NID1: variants seen among roughly 807,000 people sequenced by gnomAD.
NID1 encodes the protein nidogen 1, also known as nidogen-1.
Under a neutral mutation model 130.6 loss-of-function variants are expected in NID1, and 76 were observed. That is an observed-to-expected ratio of 0.58 (90% CI 0.48 to 0.70). The LOEUF is 0.70. Among genes scored for constraint, NID1 ranks in the 30% least tolerant of loss-of-function variants. The pLI is 0.00. For missense variants in NID1, 1,517 were observed against 1,664.8 expected (o/e 0.91, Z 1.54); for synonymous variants, 665 against 675.1 (o/e 0.98, Z 0.23).
chr1:236,031,853 C>A (rs888528599), intron 6 of NID1, among the ~76,000 whole-genome samples: 17 of 152,214 alleles, frequency 1.1e-4, no homozygotes, highest in African/African-American at 3.6e-4. Context: ...CAATAGGGCA[C>A]AGTCTCTAAA....
intron 19 of NID1, among the ~76,000 whole-genome samples, chr1:235,978,394 G>T (rs1284983386): frequency 1.3e-5 from 2 of 152,302 alleles, no homozygotes; most frequent in Admixed American, 1.3e-4. Context: ...GGTGAGGGGA[G>T]AGGCCTTCAA....
chr1:236,037,651 C>G (rs758943385), intron 5 of NID1, among the ~76,000 whole-genome samples: 22 of 134,520 alleles, frequency 1.6e-4, no homozygotes, highest in Non-Finnish European at 2.8e-4. Context: ...GAGTAAGACT[C>G]TGTCTCAAGA....
chr1:236,030,147 G>A (rs749215271), intron 6 of NID1, among the ~76,000 whole-genome samples: 59 of 152,186 alleles, frequency 3.9e-4, no homozygotes, highest in Admixed American at 2.6e-4. Context: ...AAATTGTCAA[G>A]TGCTCCATAA....
intron 4 of NID1, among the ~76,000 whole-genome samples, chr1:236,038,675 T>G (rs6666278): frequency 0.062 from 7,718 of 124,386 alleles, 265 homozygotes; most frequent in East Asian, 0.18. Flanking sequence ...TAATATATAT[T>G]ACCTATGTTA....
At chr1:236,035,583 T>C (rs1659231608) in intron 5 of NID1, among the ~76,000 whole-genome samples, 1 of 151,312 alleles carries the variant, frequency 6.6e-6, no homozygotes. Context: ...ACTTCCACAA[T>C]GGTTGAACTA....
rs369481034 is a variant in NID1 at position 236,032,387 on chromosome 1, C to T, written c.1537+14G>A. 1.4e-4 allele frequency: 230 copies of T among 1,611,782 alleles called. 3 individuals are homozygous for T. The South Asian group carries it at 2.1e-3, about 14-fold the overall frequency. On this transcript the variant is annotated intron_variant, in intron 6 of 19. Coordinates refer to ENST00000264187, the MANE Select transcript of NID1 (RefSeq NM_002508.3). ...CTGTGTGACCCACTAATTTTAATGTCGGATATAAATTACCGGTGATGCTGA... is the reference window on the plus strand; with the variant it reads ...CTGTGTGACCCACTAATTTTAATGTTGGATATAAATTACCGGTGATGCTGA...
chr1:236,014,635 G>A (rs1446087562), intron 10 of NID1, among the ~76,000 whole-genome samples: 1 of 152,054 alleles, frequency 6.6e-6, no homozygotes, highest in Non-Finnish European at 1.5e-5. Context: ...CCCATCTACT[G>A]GCCTCTCTGT....
At chr1:235,981,854 C>G in intron 15 of NID1, 72 bp from the exon 16 acceptor site, 3 of 1,379,896 alleles carry the variant, frequency 2.2e-6, no homozygotes, top group Non-Finnish European at 3.0e-6. Context: ...TTTCTGAATA[C>G]TCAATGTTAT....
At chr1:235,988,397 T>G (rs1416489267) in intron 14 of NID1, among the ~76,000 whole-genome samples, 1 of 152,184 alleles carries the variant, frequency 6.6e-6, no homozygotes, top group Non-Finnish European at 1.5e-5. Flanking sequence ...GGTAAGGATA[T>G]GGAGGAGTTT....
At position 235,979,776 on chromosome 1, in the gene NID1, G is replaced by A. The variant is rs769297488; in HGVS notation, c.3509+46C>T. On this transcript the variant is annotated intron_variant, in intron 18 of 19. Coordinates refer to ENST00000264187, the MANE Select transcript of NID1 (RefSeq NM_002508.3). This position sits in a 1 kb window ranked among gnomAD's most constrained non-coding sequence, Gnocchi z 4.6. ...GGGCCTGGCCTCCCAGAGACAGTGG[G>A]TGGAGGGGCAGGCCCACGCAGCCCC... 1.2e-6 allele frequency: 2 copies of A among 1,605,328 alleles called. No homozygotes were observed. Among genetic ancestry groups the A allele is most frequent in the South Asian group, 1.1e-5 (1 of 90,594 alleles).
At chr1:236,060,055 G>A (rs937464142) in intron 1 of NID1, among the ~76,000 whole-genome samples, 9 of 148,742 alleles carry the variant, frequency 6.1e-5, no homozygotes, top group Non-Finnish European at 1.2e-4. Context: ...AGCCGACATC[G>A]TGCCACTGCA....
chr1:236,021,565 G>A (rs894120511), intron 9 of NID1, among the ~76,000 whole-genome samples: 1 of 152,162 alleles, frequency 6.6e-6, no homozygotes, highest in Non-Finnish European at 1.5e-5. Flanking sequence ...GCGGCTGCTG[G>A]ATTCCAGACC....
chr1:235,993,846 C>T lies in NID1; in HGVS notation c.2554G>A (p.Glu852Lys). 1.2e-6 allele frequency: 2 copies of T among 1,613,190 alleles called. No individual in the cohort carries two copies. Among genetic ancestry groups the T allele is most frequent in the Non-Finnish European group, 1.7e-6 (2 of 1,179,224 alleles). The change falls in exon 13 of 20, where the codon GAG becomes AAG. Residue 852 changes from glutamate (E) to lysine (K), a missense_variant. Coordinates refer to ENST00000264187, the MANE Select transcript of NID1 (RefSeq NM_002508.3). ...GCTGCCCCGAGAATGTGTTCTCGCT[C>T]GTGCTGGCACCGGGTTTTCTCCACC... is the stretch of plus-strand genomic sequence containing the variant. Reference protein sequence around the residue: ...GEVEKTRCQHEREHILGAAGA... With the variant: ...GEVEKTRCQHKREHILGAAGA...
At chr1:236,053,504 AT>A (rs1659818193) in intron 1 of NID1, among the ~76,000 whole-genome samples, 1 of 152,024 alleles carries the variant, frequency 6.6e-6, no homozygotes, top group Non-Finnish European at 1.5e-5. Context: ...TCTTATCCTT[AT>A]TCCTCAGCTG....
At chr1:236,042,397 T>C in intron 3 of NID1, 105 bp from the exon 4 acceptor site, 1 of 1,405,602 alleles carries the variant, frequency 7.1e-7, no homozygotes, top group Non-Finnish European at 9.6e-7. Context: ...CTGCAAGCCA[T>C]CACCTGCAGC....
At position 235,993,660 on chromosome 1, in the gene NID1, C is replaced by T. The variant is rs867977441; in HGVS notation, c.2740G>A (p.Gly914Arg). 5 of 1,557,452 alleles carry T rather than the reference C, an allele frequency of 3.2e-6. No individual in the cohort carries two copies. The highest frequency in any genetic ancestry group is 4.8e-5 in the East Asian group (2 of 41,948). ...ACCCACTTACACGGGGGCGTCATCCCGGGCCTGGTCCTGGTGCCCTCCACC... is the reference window on the plus strand; with the variant it reads ...ACCCACTTACACGGGGGCGTCATCCTGGGCCTGGTCCTGGTGCCCTCCACC... ...REVEGTRTRP[G>R]MTPPCLSTVA... Residue 914 changes from glycine (G) to arginine (R), a missense_variant, in exon 13 of 20, where the codon GGG becomes AGG. Physicochemically the swap from Gly to Arg is moderately radical, Grantham distance 125. This residue lies in a region of NID1 where 1,329 missense variants were observed against 1,429.2 expected (regional missense o/e 0.93). Coordinates refer to ENST00000264187, the MANE Select transcript of NID1 (RefSeq NM_002508.3).
At chr1:236,026,210 G>A (rs758808976) in intron 7 of NID1, 69 bp from the exon 8 acceptor site, 108 of 1,585,170 alleles carry the variant, frequency 6.8e-5, no homozygotes, top group Non-Finnish European at 9.2e-5. Flanking sequence ...GATGCAAGAA[G>A]CTGAATCAAC....
rs1027034862 is a variant in NID1, at chr1:236,048,614, A to C, written c.525+76T>G. 9.5e-6 allele frequency: 14 copies of C among 1,478,256 alleles called. No individual in the cohort carries two copies. In the African/African-American group the frequency reaches 2.0e-4, roughly 21 times the overall value. The allele number at this position is 1,478,256 out of a possible 1,614,324, so 91.6% of individuals were successfully genotyped here. On this transcript the variant is annotated intron_variant, in intron 2 of 19. Coordinates refer to ENST00000264187, the MANE Select transcript of NID1 (RefSeq NM_002508.3). The stretch of plus-strand genomic sequence containing the variant: ...AATGGTGTATAACTTATGTCAAAGC[A>C]GCACAAGGCGTGAGACCAAAGTGTA...
intron 13 of NID1, 41 bp from the exon 14 acceptor site, chr1:235,991,099 C>A: frequency 6.6e-7 from 1 of 1,512,340 alleles, no homozygotes; most frequent in Non-Finnish European, 8.9e-7. Context: ...CCCGTGTGCA[C>A]CAGGAACACA....
Sources: allele counts gnomAD v4.1 joint callset (sites outside exome capture counted in the v4.1 genomes callset), GRCh38; gene constraint gnomAD v4.1.1; regional missense constraint gnomAD v4.1.1; non-coding constraint Gnocchi (gnomAD v3.1); transcripts MANE v1.5; gene names NCBI Gene and HGNC (gene_info 2026-07-23, HGNC 2026-07-21).